Variants in TIMM23B observed in about 807,000 individuals in gnomAD.
The protein encoded by TIMM23B is mitochondrial import inner membrane translocase subunit Tim23B.
Under a neutral mutation model 27.3 loss-of-function variants are expected in TIMM23B, and 27 were observed. The ratio of observed to expected loss-of-function variants is 0.99; its 90% CI spans 0.73 to 1.36. The LOEUF (loss-of-function observed/expected upper bound fraction) is 1.36, where lower values mean the gene tolerates loss of function less well. TIMM23B is among the 40% of genes most tolerant of loss of function. The probability of loss-of-function intolerance (pLI) is 0.00; values close to 1 mark genes in which losing one functional copy is unlikely to be tolerated. For missense variants in TIMM23B, 205 were observed against 244.2 expected (o/e 0.84, Z 1.07); for synonymous variants, 73 against 92.4 (o/e 0.79, Z 1.21).
rs1173703740 is a variant in TIMM23B, at chr10:49,956,426, C to CGTGTGTGT, written c.403+1403_403+1410dup. Among the ~76,000 whole-genome samples the CGTGTGTGT allele has an allele frequency of 4.0e-3, 460 of 113,948 alleles. 14 individuals carry two copies. The highest frequency in any genetic ancestry group is 6.4e-3 in the African/African-American group (224 of 34,802). The allele number at this position is 113,948 out of a possible 152,430, so 74.8% of individuals were successfully genotyped here. A position where few individuals can be genotyped will look rare whatever the true frequency, so the allele number is the denominator to read the frequency against. ...TCTATTTTTTCTTATACTAGAAATA[C>CGTGTGTGT]GTGTGTGTGTGTGTGTGTGTGTGTG... On this transcript the variant is annotated intron_variant, in intron 5 of 6. Coordinates refer to ENST00000651259, the MANE Select transcript of TIMM23B (RefSeq NM_001290117.2).
intron 6 of TIMM23B, among the ~76,000 whole-genome samples, chr10:49,964,798 A>G (rs1459583028): frequency 2.6e-5 from 4 of 151,778 alleles, no homozygotes; most frequent in African/African-American, 4.9e-5. Context: ...ATGAAATGAA[A>G]TGAAGAAATA....
intron 6 of TIMM23B, among the ~76,000 whole-genome samples, chr10:49,972,033 A>G (rs1239203994): frequency 1.3e-5 from 2 of 152,248 alleles, no homozygotes; most frequent in Non-Finnish European, 2.9e-5. Flanking sequence ...TTTAAGCTGA[A>G]TAAACATTTG....
At chr10:49,972,208 A>G (rs1840481309) in intron 6 of TIMM23B, among the ~76,000 whole-genome samples, 1 of 152,334 alleles carries the variant, frequency 6.6e-6, no homozygotes, top group East Asian at 1.9e-4. Context: ...ACTGACAGGT[A>G]TTTATCTGGA....
rs576195869 is a variant in TIMM23B, at chr10:49,967,573, A to G, written c.515-5439A>G. 1.6e-4 allele frequency among the ~76,000 whole-genome samples: 24 copies of G among 150,848 alleles called. No individual in the cohort carries two copies. The South Asian group carries it at 5.1e-3, about 32-fold the overall frequency. On this transcript the variant is annotated intron_variant, in intron 6 of 6. Coordinates refer to ENST00000651259, the MANE Select transcript of TIMM23B (RefSeq NM_001290117.2). ...ATTATTTACCTCTTCTACAATTGCA[A>G]TGGAAATTGAAATCTATTTGTCCTG...
At chr10:49,959,334 G>A (rs1839822524) in intron 6 of TIMM23B, among the ~76,000 whole-genome samples, 1 of 152,126 alleles carries the variant, frequency 6.6e-6, no homozygotes, top group Non-Finnish European at 1.5e-5. Flanking sequence ...ACACAAGGTC[G>A]AAGCCCAGGA....
rs1322527874 is a variant in TIMM23B at position 49,950,794 on chromosome 10, G to A, written c.166-1332G>A. 5.9e-5 allele frequency among the ~76,000 whole-genome samples: 9 copies of A among 152,108 alleles called. No homozygotes were observed. The South Asian group carries it at 1.5e-3, about 25-fold the overall frequency. On this transcript the variant is annotated intron_variant, in intron 2 of 6. Coordinates refer to ENST00000651259, the MANE Select transcript of TIMM23B (RefSeq NM_001290117.2). ...TGAGCTCTGGCAGTCCACCCGACTC[G>A]GCTTCCCAAAGCGCTGAGATTACAG...
At chr10:49,951,289 G>T (rs1839519522) in intron 2 of TIMM23B, among the ~76,000 whole-genome samples, 2 of 152,188 alleles carry the variant, frequency 1.3e-5, no homozygotes, top group African/African-American at 4.8e-5. Flanking sequence ...TCTTTACTAT[G>T]TTAAATGTAA....
rs1469809630 is a variant in TIMM23B, at chr10:49,955,019, C to A, written c.362C>A (p.Thr121Asn). 6.8e-6 allele frequency: 11 copies of A among 1,612,700 alleles called. No individual in the cohort carries two copies. In the African/African-American group the frequency reaches 8.0e-5, roughly 12 times the overall value. The change falls in exon 5 of 7, where the codon ACT becomes AAT. Residue 121 changes from threonine to asparagine, a missense_variant. Thr to Asn is a moderately conservative substitution (Grantham distance 65, BLOSUM62 0). Coordinates refer to ENST00000651259, the MANE Select transcript of TIMM23B (RefSeq NM_001290117.2). ...CCTGATAGGATTTTGAATATGGTGA[C>A]TAGGCAAGGGGCACTTTGGGCTAAT... ...PGNVQILNMV[T>N]RQGALWANTL... is the part of the protein sequence containing the mutation.
intron 6 of TIMM23B, among the ~76,000 whole-genome samples, chr10:49,964,461 AATG>A: frequency 6.7e-6 from 1 of 149,944 alleles, no homozygotes; most frequent in Non-Finnish European, 1.5e-5. Flanking sequence ...GATCAAATGA[AATG>A]ATGAAATGAA....
At chr10:49,944,263 TATG>T (rs1839285899) in intron 1 of TIMM23B, among the ~76,000 whole-genome samples, 1 of 152,170 alleles carries the variant, frequency 6.6e-6, no homozygotes, top group East Asian at 1.9e-4. Flanking sequence ...TGCTGTGAGA[TATG>T]ATGGTTGGAC....
At chr10:49,955,311 C>G (rs1234588515) in intron 5 of TIMM23B, among the ~76,000 whole-genome samples, 10,609 of 152,202 alleles carry the variant, frequency 0.07, 522 homozygotes, top group African/African-American at 0.12. Flanking sequence ...TGCACACTCT[C>G]CAAGCACAAC....
chr10:49,955,071 A>G lies in TIMM23B; in HGVS notation c.403+11A>G. ...CTCTAGGTTCTCTGGGTAAGTAGAGATCTCGTTTGATAATAAATTGTTAAC... is the reference window on the plus strand; with the variant it reads ...CTCTAGGTTCTCTGGGTAAGTAGAGGTCTCGTTTGATAATAAATTGTTAAC... On this transcript the variant is annotated intron_variant, in intron 5 of 6. Coordinates refer to ENST00000651259, the MANE Select transcript of TIMM23B (RefSeq NM_001290117.2). The G allele has an allele frequency of 6.2e-7, 1 of 1,611,342 alleles. No homozygotes were observed. Among genetic ancestry groups the G allele is most frequent in the South Asian group, 1.1e-5 (1 of 90,936 alleles).
chr10:49,949,553 T>C (rs1839457226), intron 2 of TIMM23B, among the ~76,000 whole-genome samples: 3 of 152,080 alleles, frequency 2.0e-5, no homozygotes, highest in Non-Finnish European at 2.9e-5. Context: ...CCTGCATTGC[T>C]AGGTGGGGCT....
chr10:49,954,715 TTAA>T (rs1319353442), intron 4 of TIMM23B, among the ~76,000 whole-genome samples: 4 of 143,410 alleles, frequency 2.8e-5, no homozygotes, highest in South Asian at 4.4e-4. Context: ...TATTATACAT[TTAA>T]TAATAAGAGT....
chr10:49,950,206 T>C (rs1220887108), intron 2 of TIMM23B, among the ~76,000 whole-genome samples: 1 of 150,616 alleles, frequency 6.6e-6, no homozygotes, highest in African/African-American at 2.4e-5. Flanking sequence ...TTTTCTTTTT[T>C]TTTTTTTTTT....
At chr10:49,965,821 A>C (rs1840121235) in intron 6 of TIMM23B, among the ~76,000 whole-genome samples, 1 of 147,378 alleles carries the variant, frequency 6.8e-6, no homozygotes, top group Admixed American at 6.7e-5. Context: ...AATGAGATGA[A>C]ATATGAAATG....
intron 2 of TIMM23B, among the ~76,000 whole-genome samples, chr10:49,950,568 A>T (rs1839495220): frequency 8.1e-6 from 1 of 123,996 alleles, no homozygotes; most frequent in African/African-American, 3.1e-5. Context: ...TTGGAGATGG[A>T]GTCTCGCTCT....
rs574390659 is a variant in TIMM23B at position 49,966,672 on chromosome 10, A to T, written c.515-6340A>T. 3.3e-5 allele frequency among the ~76,000 whole-genome samples: 5 copies of T among 152,206 alleles called. 1 individual carries two copies. In the South Asian group the frequency reaches 1.0e-3, roughly 32 times the overall value. The stretch of plus-strand genomic sequence containing the variant: ...GAAACCCCATCTCTACTAAAATAAA[A>T]AAACTAGCCGGGCATGATAGCGGGT... On this transcript the variant is annotated intron_variant, in intron 6 of 6. Coordinates refer to ENST00000651259, the MANE Select transcript of TIMM23B (RefSeq NM_001290117.2).
chr10:49,963,662 A>C (rs1182181291), intron 6 of TIMM23B, among the ~76,000 whole-genome samples: 2 of 151,972 alleles, frequency 1.3e-5, no homozygotes, highest in African/African-American at 4.8e-5. Flanking sequence ...AAACAAAATT[A>C]AATATGAAAT....
Sources: allele counts gnomAD v4.1 joint callset (sites outside exome capture counted in the v4.1 genomes callset), GRCh38; gene constraint gnomAD v4.1.1; transcripts MANE v1.5; gene names NCBI Gene and HGNC (gene_info 2026-07-23, HGNC 2026-07-21).